Variants in PBX1 observed in about 807,000 individuals in gnomAD.
The protein encoded by PBX1 is PBX homeobox 1.
In PBX1, 6 loss-of-function variants were observed where a neutral mutation model predicts 53.4. The observed-to-expected ratio is 0.11, with a 90% CI of 0.06 to 0.22. The LOEUF (loss-of-function observed/expected upper bound fraction) is 0.22. PBX1 is among the 10% of genes least tolerant of loss of function. The probability of loss-of-function intolerance (pLI) is 1.00; values close to 1 mark genes in which losing one functional copy is unlikely to be tolerated. For synonymous variants in PBX1, 204 were observed against 212.3 expected, an observed-to-expected ratio of 0.96 and a Z score of 0.34; for missense variants, 251 against 551.4, an observed-to-expected ratio of 0.46 and a Z score of 5.46.
chr1:164,764,976 G>T lies in PBX1; in HGVS notation c.266-27518G>T, dbSNP rs536905888. 7.9e-5 allele frequency among the ~76,000 whole-genome samples: 12 copies of T among 152,146 alleles called. No individual in the cohort carries two copies. The South Asian group carries it at 2.1e-3, about 26-fold the overall frequency. On this transcript the variant is annotated intron_variant, in intron 2 of 8. Coordinates refer to ENST00000420696, the MANE Select transcript of PBX1 (RefSeq NM_002585.4). ...TTTATTATAATTCTCCTGTGAATTG[G>T]TCTTCTTTGGGAAGGAATTTTCTAG... is the stretch of plus-strand genomic sequence containing the variant.
intron 2 of PBX1, among the ~76,000 whole-genome samples, chr1:164,640,876 C>G (rs886824760): frequency 2.6e-5 from 4 of 152,088 alleles, no homozygotes; most frequent in Non-Finnish European, 5.9e-5. Context: ...TGTCTTAAAG[C>G]AAACACAGGC....
intron 2 of PBX1, among the ~76,000 whole-genome samples, chr1:164,873,570 T>C (rs1308348063): frequency 6.6e-6 from 1 of 152,192 alleles, no homozygotes; most frequent in East Asian, 1.9e-4. Flanking sequence ...TGCTGAGCCT[T>C]CTTATTTAAC....
At chr1:164,792,053 G>C (rs1358159449) in intron 2 of PBX1, among the ~76,000 whole-genome samples, 1 of 152,022 alleles carries the variant, frequency 6.6e-6, no homozygotes, top group African/African-American at 2.4e-5. Context: ...TCGATCTCCT[G>C]ACCTCGTGAT....
At position 164,632,020 on chromosome 1, in the gene PBX1, A is replaced by G. The variant is rs116838242; in HGVS notation, c.265+68709A>G. ...ATTAGAGCACTGGCATAAGCCACAA[A>G]TCACAGGCTGTTGTTAGATTTAGTC... On this transcript the variant is annotated intron_variant, in intron 2 of 8. Coordinates refer to ENST00000420696, the MANE Select transcript of PBX1 (RefSeq NM_002585.4). Among the ~76,000 whole-genome samples, 471 of 152,270 alleles carry G rather than the reference A, an allele frequency of 3.1e-3. 1 individual carries two copies. Among genetic ancestry groups the G allele is most frequent in the African/African-American group, 0.011 (453 of 41,566 alleles).
intron 5 of PBX1, among the ~76,000 whole-genome samples, chr1:164,810,417 G>C (rs1669549181): frequency 1.3e-5 from 2 of 152,114 alleles, no homozygotes; most frequent in Non-Finnish European, 1.5e-5. Context: ...CAGTTCCATT[G>C]TTGTCATTTA....
intron 2 of PBX1, among the ~76,000 whole-genome samples, chr1:164,729,024 C>G (rs1180013343): frequency 6.6e-6 from 1 of 152,214 alleles, no homozygotes; most frequent in African/African-American, 2.4e-5. Flanking sequence ...ATACTCTTCT[C>G]TGTTCAACTT....
At chr1:164,603,934 T>TTA (rs1656372567) in intron 2 of PBX1, among the ~76,000 whole-genome samples, 1 of 31,640 alleles carries the variant, frequency 3.2e-5, no homozygotes, top group African/African-American at 7.8e-5. Context: ...ATTTCATTTT[T>TTA]TTTTTTTTTT....
intron 2 of PBX1, among the ~76,000 whole-genome samples, chr1:164,870,266 C>CTTCTTTCTTTCTTTCTTTCT (rs1162744857): frequency 4.4e-5 from 2 of 45,166 alleles, no homozygotes; most frequent in African/African-American, 7.1e-5. Flanking sequence ...TCCTTCCTTC[C>CTTCTTTCTTTCTTTCTTTCT]TTCTTTCTTT....
chr1:164,696,453 C>T (rs1179437891), intron 2 of PBX1, among the ~76,000 whole-genome samples: 2 of 152,142 alleles, frequency 1.3e-5, no homozygotes, highest in Non-Finnish European at 2.9e-5. Flanking sequence ...GTCACAGATG[C>T]TGGCTTTGTC....
chr1:164,800,059 C>T (rs994393531), intron 4 of PBX1, among the ~76,000 whole-genome samples, 170 bp downstream of exon 4: 2 of 152,118 alleles, frequency 1.3e-5, no homozygotes, highest in African/African-American at 4.8e-5. Flanking sequence ...TCACACAGTA[C>T]CAGGAAAATA....
chr1:164,863,322 A>C (rs768192411), intron 2 of PBX1, among the ~76,000 whole-genome samples: 12 of 152,218 alleles, frequency 7.9e-5, no homozygotes, highest in Non-Finnish European at 1.3e-4. Context: ...GTGGGGGCTC[A>C]GTGATGTTTA....
chr1:164,704,943 G>A (rs141833985), intron 2 of PBX1, among the ~76,000 whole-genome samples: 11 of 152,230 alleles, frequency 7.2e-5, no homozygotes, highest in Admixed American at 6.5e-4. Flanking sequence ...ACTACCAAAA[G>A]GAGTTCTTGT....
chr1:164,720,452 T>C (rs950820156), intron 2 of PBX1, among the ~76,000 whole-genome samples: 1 of 152,144 alleles, frequency 6.6e-6, no homozygotes, highest in Non-Finnish European at 1.5e-5. Context: ...CTTGGAAATA[T>C]GACTGACATT....
chr1:164,600,962 C>G (rs1240426862), intron 2 of PBX1, among the ~76,000 whole-genome samples: 1 of 152,050 alleles, frequency 6.6e-6, no homozygotes, highest in East Asian at 1.9e-4. Flanking sequence ...CAGGGCTGGG[C>G]GCAGTGGCTC....
At chr1:164,651,714 C>T (rs1037421276) in intron 2 of PBX1, among the ~76,000 whole-genome samples, 1 of 152,142 alleles carries the variant, frequency 6.6e-6, no homozygotes, top group Non-Finnish European at 1.5e-5. Context: ...TGACTTTCCT[C>T]CTGCGACCAA....
chr1:164,663,892 AGT>A (rs1462431116), intron 2 of PBX1, among the ~76,000 whole-genome samples: 1 of 152,244 alleles, frequency 6.6e-6, no homozygotes, highest in Non-Finnish European at 1.5e-5. Flanking sequence ...TATTAAAGAA[AGT>A]GAAAGATGGT....
intron 8 of PBX1, among the ~76,000 whole-genome samples, chr1:164,827,106 C>T (rs1236507467): frequency 6.6e-6 from 1 of 152,008 alleles, no homozygotes; most frequent in African/African-American, 2.4e-5. Context: ...ATTTGGATAC[C>T]ACGGGGATAC....
intron 3 of PBX1, among the ~76,000 whole-genome samples, chr1:164,794,351 A>G (rs1325281717): frequency 6.6e-6 from 1 of 152,096 alleles, no homozygotes; most frequent in Non-Finnish European, 1.5e-5. Context: ...TCATTACTGC[A>G]CTCCTATCTA....
chr1:164,685,954 T>TA (rs1662068075), intron 2 of PBX1, among the ~76,000 whole-genome samples: 1 of 152,174 alleles, frequency 6.6e-6, no homozygotes, highest in Non-Finnish European at 1.5e-5. Context: ...TGGTGAGTGT[T>TA]ACAAAGTGCA....
Sources: gnomAD v4.1 joint callset for allele counts (sites outside exome capture counted in the v4.1 genomes callset) on GRCh38, gnomAD v4.1.1 for gene constraint, MANE v1.5 for transcripts, NCBI Gene and HGNC (gene_info 2026-07-23, HGNC 2026-07-21) for gene names.